COL9A2: variants seen among roughly 807,000 people sequenced by gnomAD.
The protein encoded by COL9A2 is collagen alpha-2(IX) chain.
In COL9A2, 66 loss-of-function variants were observed where a neutral mutation model predicts 111.6. The observed-to-expected ratio is 0.59, with a 90% CI of 0.48 to 0.73. The LOEUF (loss-of-function observed/expected upper bound fraction) is 0.73. Ranked by LOEUF, COL9A2 falls within the 30% of genes least tolerant of loss-of-function variation. COL9A2 has a pLI of 0.00. For missense variants in COL9A2, 881 were observed against 954.1 expected (o/e 0.92, Z 1.01); for synonymous variants, 353 against 364.1 (o/e 0.97, Z 0.35).
chr1:40,310,943 T>G lies in COL9A2; in HGVS notation c.630+150A>C. On this transcript the variant is annotated intron_variant, in intron 12 of 31. Transcript: ENST00000372748. This position sits in a 1 kb window ranked among gnomAD's most constrained non-coding sequence, Gnocchi z 4.9. ...AAGCAAGGAGACATGACCAGAGACA[T>G]GCCGACCTGGAGCACAGGCCTCCAG... The G allele has an allele frequency of 8.6e-7, 1 of 1,158,954 alleles. No homozygotes were observed. The highest frequency in any genetic ancestry group is 2.5e-5 in the East Asian group (1 of 40,232). 71.8% of individuals were successfully genotyped at this position (1,158,954 alleles called of 1,614,324 possible). A position where few individuals can be genotyped will look rare whatever the true frequency, so the allele number is the denominator to read the frequency against.
At chr1:40,304,709 C>A (rs371902629) in intron 22 of COL9A2, 85 bp downstream of exon 22, 6 of 1,431,260 alleles carry the variant, frequency 4.2e-6, no homozygotes, top group Non-Finnish European at 5.8e-6. Context: ...AGGCATCTCA[C>A]GGGCTGCACG....
At position 40,312,049 on chromosome 1, in the gene COL9A2, T is replaced by C. The variant is rs1304284416; in HGVS notation, c.417+10A>G. 2 of 1,597,474 alleles carry C rather than the reference T, an allele frequency of 1.3e-6. No homozygotes were observed. Among genetic ancestry groups the C allele is most frequent in the African/African-American group, 1.3e-5 (1 of 74,780 alleles). On this transcript the variant is annotated intron_variant, in intron 8 of 31. Coordinates refer to ENST00000372748, the MANE Select transcript of COL9A2 (RefSeq NM_001852.4). This position sits in a 1 kb window ranked among gnomAD's most constrained non-coding sequence, Gnocchi z 6.0. ...CAGGAGGCAGTGAACAGAGGGTGGCTGAGGCTCACCTTGGGGCCTCGGATT... is the reference window on the plus strand; with the variant it reads ...CAGGAGGCAGTGAACAGAGGGTGGCCGAGGCTCACCTTGGGGCCTCGGATT...
Position 40,317,280 on chromosome 1 carries a change from G to C in COL9A2, c.-83C>G. The C allele has an allele frequency of 1.0e-6, 1 of 968,252 alleles. No individual in the cohort carries two copies. Among genetic ancestry groups the C allele is most frequent in the Admixed American group, 2.1e-5 (1 of 47,332 alleles). The allele number at this position is 968,252 out of a possible 1,614,324, so 60.0% of individuals were successfully genotyped here. On this transcript the variant is annotated 5_prime_UTR_variant, in exon 1 of 32. Transcript: ENST00000372748. The surrounding 1 kb of genome is among the most constrained non-coding windows in gnomAD (Gnocchi z 4.3). ...GTCTCCCGGCGCTCCTCCAGCGCTG[G>C]CTGTTCGCGGGCAGGGTGGGCTGGG...
At position 40,303,847 on chromosome 1, in the gene COL9A2, C is replaced by T. The variant is rs768454520; in HGVS notation, c.1369-8G>A. 5.1e-6 allele frequency: 8 copies of T among 1,555,502 alleles called. No homozygotes were observed. In the East Asian group the frequency reaches 1.9e-4, roughly 37 times the overall value. On this transcript the variant is annotated splice_polypyrimidine_tract_variant and splice_region_variant and intron_variant, in intron 26 of 31. Transcript: ENST00000372748. The surrounding 1 kb of genome is among the most constrained non-coding windows in gnomAD (Gnocchi z 4.6). Reference sequence around the variant, plus strand: ...CGGCTCGCCGGACTCGCCCTGCAGGCACAAGGAGCAGCGGTCACGAAGCCG... The same window carrying T: ...CGGCTCGCCGGACTCGCCCTGCAGGTACAAGGAGCAGCGGTCACGAAGCCG...
chr1:40,301,343 C>A lies in COL9A2; in HGVS notation c.1909G>T (p.Asp637Tyr). The change falls in exon 32 of 32, where the codon GAT becomes TAT. Residue 637 changes from aspartate to tyrosine, a missense_variant. Physicochemically the swap from Asp to Tyr is radical, Grantham distance 160 (BLOSUM62 -3). Transcript: ENST00000372748. ...GRPGQAINGK[D>Y]GDRGSPGAPG... The stretch of plus-strand genomic sequence containing the variant: ...GCCCCTGGGGACCCTCGATCTCCAT[C>A]CTTGCCGTTGATTGCCTGGCCAGGC... 6.2e-7 allele frequency: 1 copy of A among 1,609,592 alleles called. No individual in the cohort carries two copies. The highest frequency in any genetic ancestry group is 8.5e-7 in the Non-Finnish European group (1 of 1,177,006).
At position 40,310,575 on chromosome 1, in the gene COL9A2, T is replaced by G. The variant is rs1644106988; in HGVS notation, c.684+139A>C. The G allele has an allele frequency of 3.3e-6, 3 of 912,232 alleles. No individual in the cohort carries two copies. The highest frequency in any genetic ancestry group is 5.3e-6 in the Non-Finnish European group (3 of 566,290). 56.5% of individuals were successfully genotyped at this position (912,232 alleles called of 1,614,324 possible). On this transcript the variant is annotated intron_variant, in intron 13 of 31. Transcript: ENST00000372748. The surrounding 1 kb of genome is among the most constrained non-coding windows in gnomAD (Gnocchi z 4.9). ...TCCCTCATTCCTGACAATTTCAGCC[T>G]CCATCTCCCCATCCAGAGATGCTCC...
Position 40,312,481 on chromosome 1 carries a change from TG to T in COL9A2, c.340-3del. On this transcript the variant is annotated splice_polypyrimidine_tract_variant and splice_region_variant and intron_variant, in intron 6 of 31. Transcript: ENST00000372748. This position sits in a 1 kb window ranked among gnomAD's most constrained non-coding sequence, Gnocchi z 6.0. ...AGGAGGTCCAGCAAAACCAGGGCCC[TG>T]GAACAGAAAGAAAGAAAATTGGCTT... 6.2e-7 allele frequency: 1 copy of T among 1,613,630 alleles called. No individual in the cohort carries two copies. The highest frequency in any genetic ancestry group is 2.2e-5 in the East Asian group (1 of 44,868).
intron 21 of COL9A2, among the ~76,000 whole-genome samples, chr1:40,305,487 C>A (rs1290763898): frequency 6.6e-6 from 1 of 152,202 alleles, no homozygotes; most frequent in East Asian, 1.9e-4. Flanking sequence ...TGTTGGATTC[C>A]CAGCCCATCA....
chr1:40,305,579 G>A (rs1474120319), intron 21 of COL9A2, 136 bp downstream of exon 21: 1 of 812,918 alleles, frequency 1.2e-6, no homozygotes, highest in Non-Finnish European at 2.1e-6. Context: ...AACAGGCCCA[G>A]GGAGGAGAAA....
chr1:40,311,766 T>C lies in COL9A2; in HGVS notation c.418-51A>G, dbSNP rs1237208244. 2 of 1,580,156 alleles carry C rather than the reference T, an allele frequency of 1.3e-6. No individual in the cohort carries two copies. Among genetic ancestry groups the C allele is most frequent in the Non-Finnish European group, 1.7e-6 (2 of 1,150,164 alleles). On this transcript the variant is annotated intron_variant, in intron 8 of 31. Coordinates refer to ENST00000372748, the MANE Select transcript of COL9A2 (RefSeq NM_001852.4). The surrounding 1 kb of genome is among the most constrained non-coding windows in gnomAD (Gnocchi z 5.1). ...TACCCCTGACCAGCCCTTACCAGCT[T>C]ACCCTAGTGCCCTCCTCCAGGTCCT...
intron 16 of COL9A2, among the ~76,000 whole-genome samples, chr1:40,309,241 A>AAAAAC (rs1214990646): frequency 7.9e-5 from 12 of 152,112 alleles, no homozygotes; most frequent in Non-Finnish European, 1.3e-4. Context: ...ACTCCATCTC[A>AAAAAC]AAAACAAAAC....
Position 40,303,919 on chromosome 1 carries a change from C to T in COL9A2, c.1368+9G>A. ...CCGCTCCCCGCCCTTCCCTAGGCCGCGCGCTCACCTTCTCGCCTTTCTCTC... is the reference window on the plus strand; with the variant it reads ...CCGCTCCCCGCCCTTCCCTAGGCCGTGCGCTCACCTTCTCGCCTTTCTCTC... On this transcript the variant is annotated intron_variant, in intron 26 of 31. Coordinates refer to ENST00000372748, the MANE Select transcript of COL9A2 (RefSeq NM_001852.4). The surrounding 1 kb of genome is among the most constrained non-coding windows in gnomAD (Gnocchi z 4.6). 1 of 1,552,600 alleles carries T rather than the reference C, an allele frequency of 6.4e-7. No individual in the cohort carries two copies. Among genetic ancestry groups the T allele is most frequent in the Non-Finnish European group, 8.7e-7 (1 of 1,147,810 alleles).
chr1:40,303,004 G>T lies in COL9A2; in HGVS notation c.1603+127C>A. The T allele has an allele frequency of 8.8e-7, 1 of 1,137,292 alleles. No individual in the cohort carries two copies. The highest frequency in any genetic ancestry group is 1.3e-5 in the South Asian group (1 of 74,520). The allele number at this position is 1,137,292 out of a possible 1,614,324, so 70.5% of individuals were successfully genotyped here. Reference sequence around the variant, plus strand: ...ATTCAAGGTCCCAAAACCCTTCAGAGACTGGACTGGAAGGAGCCCCCAGGA... The same window carrying T: ...ATTCAAGGTCCCAAAACCCTTCAGATACTGGACTGGAAGGAGCCCCCAGGA... On this transcript the variant is annotated intron_variant, in intron 29 of 31. Transcript: ENST00000372748. This position sits in a 1 kb window ranked among gnomAD's most constrained non-coding sequence, Gnocchi z 4.6.
In COL9A2 at chr1:40,303,078, A is replaced by AG. The variant is rs1413947232; in HGVS notation, c.1603+52dup. 3.2e-6 allele frequency: 5 copies of AG among 1,566,536 alleles called. No homozygotes were observed. The African/African-American group carries it at 6.8e-5, about 21-fold the overall frequency. ...CACGTGGAGGCTCCGGGAGGGGGTGAGGGGGCGGCGATGCCCTCGAACTGA... is the reference window on the plus strand; with the variant it reads ...CACGTGGAGGCTCCGGGAGGGGGTGAGGGGGGCGGCGATGCCCTCGAACTGA... On this transcript the variant is annotated intron_variant, in intron 29 of 31. Coordinates refer to ENST00000372748, the MANE Select transcript of COL9A2 (RefSeq NM_001852.4). The surrounding 1 kb of genome is among the most constrained non-coding windows in gnomAD (Gnocchi z 4.6).
chr1:40,316,756 C>T lies in COL9A2; in HGVS notation c.75+367G>A. 2.7e-6 allele frequency: 1 copy of T among 364,478 alleles called. No homozygotes were observed. Among genetic ancestry groups the T allele is most frequent in the South Asian group, 2.2e-5 (1 of 45,664 alleles). The allele number at this position is 364,478 out of a possible 1,614,324, so 22.6% of individuals were successfully genotyped here. On this transcript the variant is annotated intron_variant, in intron 1 of 31. Transcript: ENST00000372748. The surrounding 1 kb of genome is among the most constrained non-coding windows in gnomAD (Gnocchi z 5.5). ...CAGCGGCGTCTGGTTGGAGCCGGCG[C>T]CCCCTGGGAGGCGGCGGGGGCGGAG...
intron 31 of COL9A2, among the ~76,000 whole-genome samples, 154 bp downstream of exon 31, chr1:40,301,658 G>C (rs1020037987): frequency 7.9e-5 from 12 of 152,206 alleles, no homozygotes; most frequent in Admixed American, 2.0e-4. Flanking sequence ...GAACCACCCA[G>C]AGACTCCGGG....
At position 40,303,961 on chromosome 1, in the gene COL9A2, C is replaced by T. The variant is rs2124049944; in HGVS notation, c.1335G>A (p.Gly445=). 6.4e-7 allele frequency: 1 copy of T among 1,563,902 alleles called. No homozygotes were observed. The highest frequency in any genetic ancestry group is 1.3e-5 in the African/African-American group (1 of 74,112). ...CTTTCTCTCCGGGGAGGCCGGCCACCCCTGGGTCACCCTGCAGAGAGAACC... is the reference window on the plus strand; with the variant it reads ...CTTTCTCTCCGGGGAGGCCGGCCACTCCTGGGTCACCCTGCAGAGAGAACC... The part of the protein sequence containing the change: ...TGPRGKVGDP[G]VAGLPGEKGE... The change falls in exon 26 of 32, where the codon GGG becomes GGA. Residue 445 remains glycine, a synonymous_variant. Transcript: ENST00000372748. The surrounding 1 kb of genome is among the most constrained non-coding windows in gnomAD (Gnocchi z 4.6).
rs192135965 is a variant in COL9A2 at position 40,303,072 on chromosome 1, G to T, written c.1603+59C>A. On this transcript the variant is annotated intron_variant, in intron 29 of 31. Coordinates refer to ENST00000372748, the MANE Select transcript of COL9A2 (RefSeq NM_001852.4). This position sits in a 1 kb window ranked among gnomAD's most constrained non-coding sequence, Gnocchi z 4.6. ...AGTGAACACGTGGAGGCTCCGGGAG[G>T]GGGTGAGGGGGCGGCGATGCCCTCG... is the stretch of plus-strand genomic sequence containing the variant. 5.2e-6 allele frequency: 8 copies of T among 1,545,530 alleles called. No individual in the cohort carries two copies. Among genetic ancestry groups the T allele is most frequent in the Non-Finnish European group, 7.1e-6 (8 of 1,130,476 alleles).
chr1:40,315,631 G>A lies in COL9A2; in HGVS notation c.109C>T (p.Pro37Ser), dbSNP rs1644207459. Residue 37 changes from proline to serine, a missense_variant, in exon 2 of 32, where the codon CCC becomes TCC. Pro to Ser is a moderately conservative substitution (Grantham distance 74). Coordinates refer to ENST00000372748, the MANE Select transcript of COL9A2 (RefSeq NM_001852.4). ...CCAGGCACTCCCGGCGGTCCCGGGG[G>A]ACCCGGGGGGCCCCGCTCTCCCGGT... ...GPPGERGPPGPPGPPGVPGSD... is the reference protein window; with the variant it reads ...GPPGERGPPGSPGPPGVPGSD... The A allele has an allele frequency of 1.5e-5, 24 of 1,553,940 alleles. No individual in the cohort carries two copies. Among genetic ancestry groups the A allele is most frequent in the Non-Finnish European group, 2.1e-5 (24 of 1,147,848 alleles).
Sources: allele counts gnomAD v4.1 joint callset (sites outside exome capture counted in the v4.1 genomes callset), GRCh38; gene constraint gnomAD v4.1.1; non-coding constraint Gnocchi (gnomAD v3.1); transcripts MANE v1.5; gene names NCBI Gene and HGNC (gene_info 2026-07-23, HGNC 2026-07-21).